The following NXPE2 variants were observed in gnomAD, a reference collection of about 807,000 sequenced individuals.
NXPE2 encodes NXPE family member 2.
A neutral mutation model predicts 34.4 loss-of-function variants in NXPE2; 34 were observed. The observed-to-expected ratio is 0.99, with a 90% CI of 0.75 to 1.31. The LOEUF is 1.31. NXPE2 is among the 40% of genes most tolerant of loss of function. The pLI is 0.00. For synonymous variants in NXPE2, 235 were observed against 231.3 expected (o/e 1.02, Z -0.15); for missense variants, 649 against 672.5 (o/e 0.97, Z 0.39).
At chr11:114,801,040 A>G in the NXPE2 span, among the ~76,000 whole-genome samples, 5 of 114,162 alleles carry the variant, frequency 4.4e-5, no homozygotes, top group South Asian at 1.7e-3. Flanking sequence ...AAACCCAGCT[A>G]TATGACTTTT....
chr11:114,630,088 C>T, the NXPE2 span, among the ~76,000 whole-genome samples: 1 of 151,580 alleles, frequency 6.6e-6, no homozygotes. Context: ...TGAAAATGGC[C>T]ATACTGCCCA....
At chr11:114,776,401 G>A in the NXPE2 span, among the ~76,000 whole-genome samples, 1 of 152,268 alleles carries the variant, frequency 6.6e-6, no homozygotes, top group Non-Finnish European at 1.5e-5. Context: ...GATAACAGAC[G>A]GCCTTGCCTT....
the NXPE2 span, among the ~76,000 whole-genome samples, chr11:114,793,280 T>C: frequency 3.7e-4 from 56 of 152,340 alleles, no homozygotes; most frequent in African/African-American, 1.3e-3. Flanking sequence ...CCAATCATTG[T>C]ATTGTAAATG....
At chr11:114,552,751 G>GA in the NXPE2 span, 19 of 335,272 alleles carry the variant, frequency 5.7e-5, no homozygotes, top group Non-Finnish European at 7.2e-5. Flanking sequence ...CAGCAGCATT[G>GA]AAAAAAAAGT....
At chr11:114,708,453 G>A (rs546902643), downstream of NXPE2, among the ~76,000 whole-genome samples, 1 of 152,022 alleles carries the variant, frequency 6.6e-6, no homozygotes, top group Non-Finnish European at 1.5e-5. Context: ...CTCAAGAGTA[G>A]GAATATTGTT....
chr11:114,618,087 C>T, the NXPE2 span, among the ~76,000 whole-genome samples: 1 of 151,990 alleles, frequency 6.6e-6, no homozygotes, highest in Non-Finnish European at 1.5e-5. Flanking sequence ...TGGGTAACCA[C>T]TGTGACCCGG....
chr11:114,493,201 A>G, the NXPE2 span, among the ~76,000 whole-genome samples: 5 of 151,978 alleles, frequency 3.3e-5, no homozygotes, highest in African/African-American at 1.2e-4. Context: ...CAGTCTATGT[A>G]TGTCTTATGG....
At chr11:114,508,189 G>A in the NXPE2 span, among the ~76,000 whole-genome samples, 1 of 152,126 alleles carries the variant, frequency 6.6e-6, no homozygotes, top group African/African-American at 2.4e-5. Context: ...CCTAACTAGG[G>A]AGGTGAAAGA....
the NXPE2 span, among the ~76,000 whole-genome samples, chr11:114,778,264 C>G: frequency 6.6e-6 from 1 of 152,170 alleles, no homozygotes; most frequent in Admixed American, 6.5e-5. Flanking sequence ...GACCTTGACT[C>G]TCTGGCTAGT....
At chr11:114,716,377 T>C in the NXPE2 span, among the ~76,000 whole-genome samples, 1 of 152,242 alleles carries the variant, frequency 6.6e-6, no homozygotes, top group Non-Finnish European at 1.5e-5. Context: ...CACTCCATTT[T>C]CTGCACATTA....
At chr11:114,810,379 G>A in the NXPE2 span, among the ~76,000 whole-genome samples, 3 of 93,964 alleles carry the variant, frequency 3.2e-5, no homozygotes, top group African/African-American at 1.0e-4. Context: ...CACAGCAAAC[G>A]AAACTACCAT....
chr11:114,620,134 G>C, the NXPE2 span, among the ~76,000 whole-genome samples: 1 of 151,978 alleles, frequency 6.6e-6, no homozygotes, highest in African/African-American at 2.4e-5. Flanking sequence ...TTCCTCGTGG[G>C]AAACCACTGT....
At chr11:114,604,256 G>A in the NXPE2 span, among the ~76,000 whole-genome samples, 26,626 of 152,018 alleles carry the variant, frequency 0.18, 2,518 homozygotes, top group African/African-American at 0.24. Flanking sequence ...TGACTCTTGG[G>A]TAACCAGTGT....
chr11:114,493,957 T>C, the NXPE2 span, among the ~76,000 whole-genome samples: 24 of 146,136 alleles, frequency 1.6e-4, no homozygotes, highest in African/African-American at 5.9e-4. Context: ...ATTTGAAGGA[T>C]TTTTTTGCTG....
the NXPE2 span, among the ~76,000 whole-genome samples, chr11:114,733,078 C>G: frequency 2.6e-5 from 4 of 151,460 alleles, no homozygotes; most frequent in African/African-American, 9.7e-5. Flanking sequence ...AATGAATTTC[C>G]AAAATATTGG....
chr11:114,631,891 T>A, the NXPE2 span, among the ~76,000 whole-genome samples: 1 of 151,008 alleles, frequency 6.6e-6, no homozygotes, highest in East Asian at 1.9e-4. Flanking sequence ...CAGTGGATAA[T>A]AAGTATTGCC....
the NXPE2 span, among the ~76,000 whole-genome samples, chr11:114,568,511 C>G: frequency 1.3e-5 from 2 of 148,372 alleles, no homozygotes; most frequent in African/African-American, 4.9e-5. Context: ...CACTCTCTTC[C>G]TCTCTTTCAT....
At chr11:114,697,874 T>C (rs1951288659) in intron 2 of NXPE2, among the ~76,000 whole-genome samples, 171 bp from the exon 3 acceptor site, 1 of 152,194 alleles carries the variant, frequency 6.6e-6, no homozygotes. Flanking sequence ...GAGGAAGTCA[T>C]ACTACATGGA....
At chr11:114,515,445 TGAGGAAACTGA>T in the NXPE2 span, among the ~76,000 whole-genome samples, 8 of 152,182 alleles carry the variant, frequency 5.3e-5, no homozygotes, top group African/African-American at 1.9e-4. Context: ...TGCTTTCCTT[TGAGGAAACTGA>T]GAGGAAACTG....
Sources: allele counts gnomAD v4.1 joint callset (sites outside exome capture counted in the v4.1 genomes callset), GRCh38; gene constraint gnomAD v4.1.1; transcripts MANE v1.5; gene names NCBI Gene and HGNC (gene_info 2026-07-23, HGNC 2026-07-21).